Variants in RNF213 observed in about 807,000 individuals in gnomAD.
The protein encoded by RNF213 is ring finger protein 213.
In RNF213, 341 loss-of-function variants were observed where a neutral mutation model predicts 514.4. That is an observed-to-expected ratio of 0.66 (90% CI 0.61 to 0.73). The LOEUF (loss-of-function observed/expected upper bound fraction) is 0.73. Among genes scored for constraint, RNF213 ranks in the 30% least tolerant of loss-of-function variants. RNF213 has a pLI of 0.00. For missense variants in RNF213, 5,767 were observed against 6,615.6 expected (o/e 0.87, Z 4.45); for synonymous variants, 2,655 against 2,658.2 (o/e 1.00, Z 0.04).
Position 80,346,562 on chromosome 17 carries a change from G to A in RNF213, c.8227G>A (p.Ala2743Thr). The A allele has an allele frequency of 1.9e-6, 3 of 1,613,316 alleles. No homozygotes were observed. Among genetic ancestry groups the A allele is most frequent in the Non-Finnish European group, 2.5e-6 (3 of 1,180,034 alleles). ...LDGVPLRKTI[A>T]KNLALKENVF... ...CGGCGTACCTCTGAGGAAAACCATC[G>A]CCAAGAACTTGGCCTTGAAGGAGAA... Residue 2743 changes from alanine (A) to threonine (T), a missense_variant, in exon 29 of 68, where the codon GCC becomes ACC. Transcript: ENST00000582970. The surrounding 1 kb of genome is among the most constrained non-coding windows in gnomAD (Gnocchi z 8.1).
At chr17:80,286,772 C>T (rs1176631614) in intron 3 of RNF213, among the ~76,000 whole-genome samples, 3 of 152,028 alleles carry the variant, frequency 2.0e-5, no homozygotes, top group African/African-American at 4.8e-5. Context: ...AGGGGATCTA[C>T]AAGTCACTTT....
intron 11 of RNF213, among the ~76,000 whole-genome samples, chr17:80,299,596 T>A (rs1247400745): frequency 6.6e-6 from 1 of 152,128 alleles, no homozygotes; most frequent in Non-Finnish European, 1.5e-5. Context: ...GGAGTACATG[T>A]GCAGGTTTGT....
intron 3 of RNF213, among the ~76,000 whole-genome samples, chr17:80,277,070 A>G (rs911222605): frequency 1.3e-5 from 2 of 151,422 alleles, no homozygotes; most frequent in Admixed American, 1.3e-4. Flanking sequence ...CAAAGCAAAC[A>G]AACCAAAAAA....
intron 8 of RNF213, among the ~76,000 whole-genome samples, chr17:80,294,030 C>A (rs954846345): frequency 6.6e-6 from 1 of 152,190 alleles, no homozygotes; most frequent in South Asian, 2.1e-4. Flanking sequence ...GGGCGCTTCC[C>A]ATTTCTGCCT....
intron 3 of RNF213, among the ~76,000 whole-genome samples, chr17:80,279,603 T>C (rs2044186811): frequency 6.6e-6 from 1 of 152,010 alleles, no homozygotes. Flanking sequence ...TAGCTGGGAT[T>C]ACAGGCACCT....
intron 11 of RNF213, among the ~76,000 whole-genome samples, chr17:80,301,123 G>A (rs2045162141): frequency 6.6e-6 from 1 of 151,952 alleles, no homozygotes; most frequent in South Asian, 2.1e-4. Flanking sequence ...TTCTTTTGCT[G>A]TGCAAAAGCT....
chr17:80,268,949 A>G (rs2043704459), intron 2 of RNF213, among the ~76,000 whole-genome samples: 1 of 152,190 alleles, frequency 6.6e-6, no homozygotes, highest in Non-Finnish European at 1.5e-5. Flanking sequence ...CCGACAGTGT[A>G]GCCTTCAGTC....
rs1461127701 is a variant in RNF213 at position 80,395,256 on chromosome 17, A to T, written c.*1758A>T. ...AGCAGAGGCAAAAAAAAAAAAAATGAATTTTATTTTACTTGTCACACCTGT... is the reference window on the plus strand; with the variant it reads ...AGCAGAGGCAAAAAAAAAAAAAATGTATTTTATTTTACTTGTCACACCTGT... On this transcript the variant is annotated 3_prime_UTR_variant, in exon 68 of 68. Coordinates refer to ENST00000582970, the MANE Select transcript of RNF213 (RefSeq NM_001256071.3). 6.6e-6 allele frequency: 1 copy of T among 151,674 alleles called. No individual in the cohort carries two copies. The highest frequency in any genetic ancestry group is 2.4e-5 in the African/African-American group (1 of 41,228). The allele number at this position is 151,674 out of a possible 1,614,324, so 9.4% of individuals were successfully genotyped here.
At position 80,290,650 on chromosome 17, in the gene RNF213, A is replaced by G. The variant is rs1228272005; in HGVS notation, c.1193A>G (p.His398Arg). 3 of 1,614,058 alleles carry G rather than the reference A, an allele frequency of 1.9e-6. No individual in the cohort carries two copies. Among genetic ancestry groups the G allele is most frequent in the African/African-American group, 2.7e-5 (2 of 74,918 alleles). The stretch of plus-strand genomic sequence containing the variant: ...CATTTCCCATTCAATCCTGACCTCC[A>G]TAAAGTCTTCATCAGAGGAGGAGAA... ...SLHFPFNPDL[H>R]KVFIRGGEEF... The change falls in exon 7 of 68, where the codon CAT becomes CGT. Residue 398 changes from histidine to arginine, a missense_variant. By Grantham distance (29) the His-to-Arg change is conservative. This residue lies in a region of RNF213 where 509 missense variants were observed against 496.7 expected (regional missense o/e 1.02). Transcript: ENST00000582970.
chr17:80,388,429 C>A, intron 63 of RNF213, 183 bp from the exon 64 acceptor site: 1 of 630,592 alleles, frequency 1.6e-6, no homozygotes. Context: ...CGCTGGATTC[C>A]CGGTTGTGTT....
chr17:80,379,382 A>T (rs2079893421), intron 54 of RNF213: 2 of 538,530 alleles, frequency 3.7e-6, no homozygotes, highest in East Asian at 3.4e-5. Context: ...CACTCTGGGA[A>T]TAAAGCTTAA....
intron 50 of RNF213, chr17:80,374,918 C>T (rs1660288610): frequency 8.4e-6 from 3 of 355,924 alleles, no homozygotes; most frequent in Admixed American, 7.8e-5. Context: ...AAGAAAGATG[C>T]TGACACAACT....
At chr17:80,373,284 T>G in intron 49 of RNF213, 119 bp downstream of exon 49, 1 of 542,684 alleles carries the variant, frequency 1.8e-6, no homozygotes, top group Non-Finnish European at 2.9e-6. Flanking sequence ...CCTCACACCT[T>G]CCCCACCACA....
intron 31 of RNF213, 141 bp from the exon 32 acceptor site, chr17:80,351,544 T>C (rs1366018232): frequency 1.6e-6 from 1 of 611,480 alleles, no homozygotes; most frequent in Non-Finnish European, 3.0e-6. Flanking sequence ...GTAAAACTCA[T>C]CGGAACGGGT....
Position 80,337,578 on chromosome 17 carries a change from C to G in RNF213, c.4528-8C>G. 2 of 1,537,194 alleles carry G rather than the reference C, an allele frequency of 1.3e-6. No individual in the cohort carries two copies. The highest frequency in any genetic ancestry group is 1.7e-6 in the Non-Finnish European group (2 of 1,146,862). Reference sequence around the variant, plus strand: ...CGTGGCCCGTGTTCTCTCCTTTTGTCCCCATAGTGTGACTCCGCCAGGAAC... The same window carrying G: ...CGTGGCCCGTGTTCTCTCCTTTTGTGCCCATAGTGTGACTCCGCCAGGAAC... On this transcript the variant is annotated splice_region_variant and splice_polypyrimidine_tract_variant and intron_variant, in intron 23 of 67. Transcript: ENST00000582970.
chr17:80,304,639 CAAATAAAT>C (rs531433807), intron 11 of RNF213, among the ~76,000 whole-genome samples: 2 of 151,234 alleles, frequency 1.3e-5, no homozygotes, highest in African/African-American at 4.9e-5. Flanking sequence ...GACTCCAACA[CAAATAAAT>C]AAATAAATAA....
Position 80,371,991 on chromosome 17 carries a change from T to A in RNF213, c.12537+6T>A. ...TCTTCATCAACTGCCTGGAGGTAAG[T>A]GAACTCTCTCTTCCCTGAATTTCTT... On this transcript the variant is annotated splice_donor_region_variant and intron_variant, in intron 47 of 67. Transcript: ENST00000582970. 1.4e-6 allele frequency: 2 copies of A among 1,390,398 alleles called. No individual in the cohort carries two copies. Among genetic ancestry groups the A allele is most frequent in the Non-Finnish European group, 2.0e-6 (2 of 975,918 alleles). 86.1% of individuals were successfully genotyped at this position (1,390,398 alleles called of 1,614,324 possible).
chr17:80,357,793 T>C (rs960989365), intron 36 of RNF213, among the ~76,000 whole-genome samples: 4 of 152,154 alleles, frequency 2.6e-5, no homozygotes, highest in African/African-American at 9.7e-5. Context: ...TAGGGCAACA[T>C]AGTGAGACCC....
intron 20 of RNF213, among the ~76,000 whole-genome samples, chr17:80,330,625 T>G (rs976760116): frequency 6.6e-6 from 1 of 152,258 alleles, no homozygotes. Context: ...ATAATTCATG[T>G]CTTCTGTTAG....
Sources: gnomAD v4.1 joint callset for allele counts (sites outside exome capture counted in the v4.1 genomes callset) on GRCh38, gnomAD v4.1.1 for gene constraint, gnomAD v4.1.1 regional missense constraint, Gnocchi (gnomAD v3.1) non-coding constraint, MANE v1.5 for transcripts, NCBI Gene and HGNC (gene_info 2026-07-23, HGNC 2026-07-21) for gene names.